VEGFC: variants seen among roughly 807,000 people sequenced by gnomAD.
VEGFC encodes vascular endothelial growth factor C.
In VEGFC, 12 loss-of-function variants were observed where a neutral mutation model predicts 46.1. The ratio of observed to expected loss-of-function variants is 0.26; its 90% CI spans 0.17 to 0.42. The LOEUF is 0.42. Ranked by LOEUF, VEGFC falls within the 10% of genes least tolerant of loss-of-function variation. The pLI, the probability that VEGFC is intolerant of heterozygous loss-of-function variation, is 1.00. For missense variants in VEGFC, 488 were observed against 529.4 expected (o/e 0.92, Z 0.77); for synonymous variants, 232 against 195.5 (o/e 1.19, Z -1.56).
intron 1 of VEGFC, among the ~76,000 whole-genome samples, chr4:176,784,522 C>A (rs1322511971): frequency 1.3e-5 from 2 of 151,434 alleles, no homozygotes; most frequent in African/African-American, 4.8e-5. Flanking sequence ...CCGAGGCGGG[C>A]AGATCACGAG....
intron 4 of VEGFC, among the ~76,000 whole-genome samples, chr4:176,699,104 T>C (rs568850874): frequency 2.0e-5 from 3 of 152,196 alleles, no homozygotes; most frequent in African/African-American, 4.8e-5. Context: ...AGTACTCTCA[T>C]TGGAAGCTCT....
chr4:176,694,384 G>C (rs1010705052), intron 4 of VEGFC, among the ~76,000 whole-genome samples: 1 of 152,122 alleles, frequency 6.6e-6, no homozygotes, highest in African/African-American at 2.4e-5. Flanking sequence ...AGACAAAAAA[G>C]GCCATTACAT....
rs1254910188 is a variant in VEGFC, at chr4:176,792,169, G to C, written c.143C>G (p.Ala48Gly). ...LSDAEPDAGE[A>G]TAYASKDLEE... is the part of the protein sequence containing the mutation. ...CAAACCCTAACGCAGACCTACCGTG[G>C]CCTCGCCCGCGTCGGGCTCCGCGTC... Residue 48 changes from alanine to glycine, a missense_variant, in exon 1 of 7, where the codon GCC becomes GGC. Ala to Gly is a moderately conservative substitution (Grantham distance 60). Transcript: ENST00000618562. This position sits in a 1 kb window ranked among gnomAD's most constrained non-coding sequence, Gnocchi z 6.3. 6.6e-7 allele frequency: 1 copy of C among 1,508,708 alleles called. No homozygotes were observed. The highest frequency in any genetic ancestry group is 1.5e-5 in the African/African-American group (1 of 68,686). 93.5% of individuals were successfully genotyped at this position (1,508,708 alleles called of 1,614,324 possible).
chr4:176,759,410 A>T (rs909544945), intron 1 of VEGFC, among the ~76,000 whole-genome samples: 16 of 152,314 alleles, frequency 1.1e-4, no homozygotes, highest in East Asian at 3.9e-4. Flanking sequence ...GTAGAAATTT[A>T]AAAAAATCAA....
rs1176793458 is a variant in VEGFC, at chr4:176,776,663, C to G, written c.147+15502G>C. 3.3e-5 allele frequency among the ~76,000 whole-genome samples: 5 copies of G among 152,200 alleles called. No homozygotes were observed. In the East Asian group the frequency reaches 9.6e-4, roughly 29 times the overall value. ...AGAATATGGGTCAGAAAAGAATCAT[C>G]ACATCCTGATACTGACACACAGTGG... On this transcript the variant is annotated intron_variant, in intron 1 of 6. Coordinates refer to ENST00000618562, the MANE Select transcript of VEGFC (RefSeq NM_005429.5).
intron 1 of VEGFC, among the ~76,000 whole-genome samples, chr4:176,782,309 T>A (rs1191363258): frequency 6.6e-6 from 1 of 151,772 alleles, no homozygotes; most frequent in Admixed American, 6.6e-5. Context: ...CAAAAAATTT[T>A]AAAAAATAGC....
intron 5 of VEGFC, 35 bp downstream of exon 5, chr4:176,687,786 C>T (rs1490039214): frequency 7.0e-7 from 1 of 1,437,644 alleles, no homozygotes; most frequent in South Asian, 1.2e-5. Flanking sequence ...ATATAGACCC[C>T]TGGCGTTTAG....
intron 4 of VEGFC, among the ~76,000 whole-genome samples, chr4:176,708,617 ATAAT>A (rs775524863): frequency 1.6e-4 from 25 of 152,180 alleles, no homozygotes; most frequent in Admixed American, 7.9e-4. Context: ...ATGCTTATAC[ATAAT>A]TAATTACATG....
intron 1 of VEGFC, among the ~76,000 whole-genome samples, chr4:176,733,074 T>G (rs184506128): frequency 2.6e-5 from 4 of 151,972 alleles, no homozygotes; most frequent in Admixed American, 1.3e-4. Context: ...AAGACACCAC[T>G]CCACACCCAT....
chr4:176,705,522 G>T (rs1734519015), intron 4 of VEGFC, among the ~76,000 whole-genome samples: 1 of 152,096 alleles, frequency 6.6e-6, no homozygotes, highest in South Asian at 2.1e-4. Flanking sequence ...ATGGGTTTCA[G>T]AAATAAAATG....
intron 3 of VEGFC, among the ~76,000 whole-genome samples, chr4:176,725,625 C>A (rs931438911): frequency 6.6e-6 from 1 of 152,090 alleles, no homozygotes; most frequent in Admixed American, 6.6e-5. Flanking sequence ...TGATTTAAAT[C>A]AAATACCATA....
intron 1 of VEGFC, among the ~76,000 whole-genome samples, chr4:176,745,763 T>G (rs1560953623): frequency 6.6e-6 from 1 of 151,912 alleles, no homozygotes; most frequent in Non-Finnish European, 1.5e-5. Context: ...ATATGGAAAG[T>G]CAGGCTGTAT....
chr4:176,702,900 G>A (rs888815986), intron 4 of VEGFC, among the ~76,000 whole-genome samples: 1 of 152,038 alleles, frequency 6.6e-6, no homozygotes, highest in Non-Finnish European at 1.5e-5. Flanking sequence ...CAGGTGTACA[G>A]ATAGCAATAT....
chr4:176,769,901 G>T (rs948015689), intron 1 of VEGFC, among the ~76,000 whole-genome samples: 1 of 152,100 alleles, frequency 6.6e-6, no homozygotes, highest in Non-Finnish European at 1.5e-5. Context: ...ACATAAAATA[G>T]AATGATTAAA....
In VEGFC at chr4:176,777,962, A is replaced by T. The variant is rs1362108063; in HGVS notation, c.147+14203T>A. Among the ~76,000 whole-genome samples the T allele has an allele frequency of 1.5e-5, 2 of 137,214 alleles. 1 individual carries two copies. Among genetic ancestry groups the T allele is most frequent in the African/African-American group, 5.4e-5 (2 of 37,100 alleles). The allele number at this position is 137,214 out of a possible 152,430, so 90.0% of individuals were successfully genotyped here. ...AAAAAAAAAAAAAGCTATTCTTGTT[A>T]TATGTAGAGGATCTATTTTATAGTC... On this transcript the variant is annotated intron_variant, in intron 1 of 6. Transcript: ENST00000618562.
chr4:176,784,216 G>T (rs539694608), intron 1 of VEGFC, among the ~76,000 whole-genome samples: 1 of 151,692 alleles, frequency 6.6e-6, no homozygotes, highest in Non-Finnish European at 1.5e-5. Flanking sequence ...ATACAGGCAC[G>T]TGTCACCATG....
At chr4:176,785,313 T>C (rs1735982984) in intron 1 of VEGFC, among the ~76,000 whole-genome samples, 2 of 152,232 alleles carry the variant, frequency 1.3e-5, no homozygotes, top group South Asian at 4.1e-4. Context: ...TCTTTCCACC[T>C]GTCCAAATGA....
chr4:176,735,716 ACT>A (rs1735042709), intron 1 of VEGFC, among the ~76,000 whole-genome samples: 1 of 151,788 alleles, frequency 6.6e-6, no homozygotes, highest in African/African-American at 2.4e-5. Flanking sequence ...TTGAAGTTGG[ACT>A]CTGGAGAATT....
At chr4:176,763,226 C>G (rs1435047585) in intron 1 of VEGFC, among the ~76,000 whole-genome samples, 1 of 152,034 alleles carries the variant, frequency 6.6e-6, no homozygotes, top group Non-Finnish European at 1.5e-5. Context: ...AACTAATTCC[C>G]AAATACAATT....
Sources: allele counts gnomAD v4.1 joint callset (sites outside exome capture counted in the v4.1 genomes callset), GRCh38; gene constraint gnomAD v4.1.1; non-coding constraint Gnocchi (gnomAD v3.1); transcripts MANE v1.5; gene names NCBI Gene and HGNC (gene_info 2026-07-23, HGNC 2026-07-21).